GYPC: variants seen among roughly 807,000 people sequenced by gnomAD.
GYPC encodes the protein glycophorin-C.
GYPC carries 14 observed loss-of-function variants against 12.6 expected under a neutral mutation model. That is an observed-to-expected ratio of 1.11 (90% CI 0.74 to 1.74). The LOEUF (loss-of-function observed/expected upper bound fraction) is 1.74, where lower values mean the gene tolerates loss of function less well. GYPC is among the 40% of genes most tolerant of loss of function. The probability of loss-of-function intolerance (pLI) is 0.00; values close to 1 mark genes in which losing one functional copy is unlikely to be tolerated. For missense variants in GYPC, 225 were observed against 172.1 expected, an observed-to-expected ratio of 1.31 and a Z score of -1.72; for synonymous variants, 78 against 62.1, an observed-to-expected ratio of 1.26 and a Z score of -1.20.
At chr2:126,683,936 C>T (rs570616741) in intron 1 of GYPC, among the ~76,000 whole-genome samples, 2 of 152,164 alleles carry the variant, frequency 1.3e-5, no homozygotes, top group African/African-American at 2.4e-5. Context: ...TCTCCTCCCC[C>T]CTCACCTTTG....
chr2:126,683,391 TCTCCCCAGTG>T (rs943737146), intron 1 of GYPC, among the ~76,000 whole-genome samples: 41 of 152,290 alleles, frequency 2.7e-4, no homozygotes, highest in Admixed American at 7.2e-4. Context: ...GACAAAGTCC[TCTCCCCAGTG>T]GTGGACAAGG....
At position 126,656,158 on chromosome 2, in the gene GYPC, C is replaced by G. The variant is rs11542968; in HGVS notation, c.-106C>G. ...GAGGAGTGTGACCCAGGTGCCGCTTCCTCTCGCCGCCGAGGGTCAGGAGCC... is the reference window on the plus strand; with the variant it reads ...GAGGAGTGTGACCCAGGTGCCGCTTGCTCTCGCCGCCGAGGGTCAGGAGCC... On this transcript the variant is annotated 5_prime_UTR_variant, in exon 1 of 4. Coordinates refer to ENST00000259254, the MANE Select transcript of GYPC (RefSeq NM_002101.5). The G allele has an allele frequency of 4.9e-3, 7,407 of 1,496,594 alleles. 38 individuals are homozygous for G. The highest frequency in any genetic ancestry group is 5.4e-3 in the Non-Finnish European group (6,041 of 1,121,884). The allele number at this position is 1,496,594 out of a possible 1,614,324, so 92.7% of individuals were successfully genotyped here.
rs75133888 is a variant in GYPC at position 126,676,250 on chromosome 2, CCTT to C, written c.50-13999_50-13997del. On this transcript the variant is annotated intron_variant, in intron 1 of 3. Transcript: ENST00000259254. Reference sequence around the variant, plus strand: ...AAGAGTAGATTGTGTTTGTGCTTACCCTTCTTCTCCTAAAATTAAGTGTTAGCT... The same window carrying C: ...AAGAGTAGATTGTGTTTGTGCTTACCCTTCTCCTAAAATTAAGTGTTAGCT... Among the ~76,000 whole-genome samples, 9 of 152,298 alleles carry C rather than the reference CCTT, an allele frequency of 5.9e-5. No individual in the cohort carries two copies. The East Asian group carries it at 1.7e-3, about 29-fold the overall frequency.
At position 126,696,401 on chromosome 2, in the gene GYPC, A is replaced by C; in HGVS notation, c.*259A>C. The C allele has an allele frequency of 2.1e-6, 1 of 484,936 alleles. No individual in the cohort carries two copies. The highest frequency in any genetic ancestry group is 3.8e-6 in the Non-Finnish European group (1 of 264,542). The allele number at this position is 484,936 out of a possible 1,614,324, so 30.0% of individuals were successfully genotyped here. A position where few individuals can be genotyped will look rare whatever the true frequency, so the allele number is the denominator to read the frequency against. On this transcript the variant is annotated 3_prime_UTR_variant, in exon 4 of 4. Transcript: ENST00000259254. Reference sequence around the variant, plus strand: ...CCTTTTGCTCCACGGAGGTGGGAGAAAATCTGGGCACATGGGGCCCCCTGG... The same window carrying C: ...CCTTTTGCTCCACGGAGGTGGGAGACAATCTGGGCACATGGGGCCCCCTGG...
chr2:126,677,418 T>C (rs1558884814), intron 1 of GYPC, among the ~76,000 whole-genome samples: 1 of 150,308 alleles, frequency 6.7e-6, no homozygotes, highest in Admixed American at 6.6e-5. Flanking sequence ...TGTAAGTGTG[T>C]GAGAGAATGT....
At chr2:126,675,080 T>A (rs1169626748) in intron 1 of GYPC, among the ~76,000 whole-genome samples, 1 of 152,104 alleles carries the variant, frequency 6.6e-6, no homozygotes, top group Non-Finnish European at 1.5e-5. Flanking sequence ...CATAGCTGAG[T>A]GCCCAGGGTG....
At chr2:126,679,506 T>C (rs995840764) in intron 1 of GYPC, 5 of 152,184 alleles carry the variant, frequency 3.3e-5, no homozygotes, top group South Asian at 4.1e-4. Flanking sequence ...TGTCAGAGGA[T>C]ATTTTAAGCA....
intron 1 of GYPC, among the ~76,000 whole-genome samples, chr2:126,689,169 T>A (rs1440250219): frequency 6.6e-6 from 1 of 152,024 alleles, no homozygotes; most frequent in Admixed American, 6.6e-5. Flanking sequence ...TAAAGACCTA[T>A]GGGAGGGCTT....
At chr2:126,690,220 C>T (rs1459384895) in intron 1 of GYPC, 35 bp from the exon 2 acceptor site, 1 of 1,558,862 alleles carries the variant, frequency 6.4e-7, no homozygotes, top group Non-Finnish European at 8.9e-7. Flanking sequence ...GAGAGTCTTC[C>T]TCTCTGACCT....
At chr2:126,682,562 A>T (rs1274453637) in intron 1 of GYPC, among the ~76,000 whole-genome samples, 1 of 152,104 alleles carries the variant, frequency 6.6e-6, no homozygotes, top group African/African-American at 2.4e-5. Flanking sequence ...TTCTCCCCTC[A>T]GCTTCAGTTC....
chr2:126,667,611 C>G (rs942720280), intron 1 of GYPC, among the ~76,000 whole-genome samples: 2 of 152,024 alleles, frequency 1.3e-5, no homozygotes, highest in Non-Finnish European at 2.9e-5. Context: ...CCATGTTGGT[C>G]AGGCTGGTCT....
chr2:126,666,736 C>CAT (rs1277801266), intron 1 of GYPC, among the ~76,000 whole-genome samples: 1 of 150,444 alleles, frequency 6.6e-6, no homozygotes, highest in East Asian at 2.0e-4. Context: ...CACACACACA[C>CAT]ACACACACAC....
intron 2 of GYPC, among the ~76,000 whole-genome samples, chr2:126,693,193 G>A (rs1683527975): frequency 6.6e-6 from 1 of 152,252 alleles, no homozygotes; most frequent in African/African-American, 2.4e-5. Flanking sequence ...GAGGGAGGGA[G>A]TTCTAGCTGT....
intron 1 of GYPC, chr2:126,658,162 A>G (rs1682425159): frequency 6.6e-6 from 1 of 152,190 alleles, no homozygotes; most frequent in Non-Finnish European, 1.5e-5. Flanking sequence ...TTTATATAGA[A>G]TTCACCGCCT....
At chr2:126,691,109 G>C (rs926989092) in intron 2 of GYPC, among the ~76,000 whole-genome samples, 2 of 152,098 alleles carry the variant, frequency 1.3e-5, no homozygotes, top group African/African-American at 4.8e-5. Context: ...GCAGTAGGAA[G>C]TTTAGGAAAT....
chr2:126,677,331 G>A (rs1374193924), intron 1 of GYPC, among the ~76,000 whole-genome samples: 1 of 141,854 alleles, frequency 7.0e-6, no homozygotes, highest in Admixed American at 7.5e-5. Context: ...GTGTGTGATA[G>A]TGTGTAAGAA....
At chr2:126,693,430 A>C (rs1268577786) in intron 2 of GYPC, among the ~76,000 whole-genome samples, 1 of 152,060 alleles carries the variant, frequency 6.6e-6, no homozygotes, top group African/African-American at 2.4e-5. Flanking sequence ...CTTCTTTATA[A>C]ATTACCCAAG....
intron 1 of GYPC, among the ~76,000 whole-genome samples, chr2:126,679,210 C>T (rs1191450680): frequency 2.0e-5 from 3 of 152,098 alleles, no homozygotes; most frequent in Non-Finnish European, 4.4e-5. Context: ...TGCACAGGGG[C>T]CAAATGGTCT....
At chr2:126,660,406 C>T (rs1348275157) in intron 1 of GYPC, among the ~76,000 whole-genome samples, 1 of 152,218 alleles carries the variant, frequency 6.6e-6, no homozygotes, top group Non-Finnish European at 1.5e-5. Context: ...CTGCACCTCT[C>T]ACAACTGTTC....
Sources: gnomAD v4.1 joint callset for allele counts (sites outside exome capture counted in the v4.1 genomes callset) on GRCh38, gnomAD v4.1.1 for gene constraint, MANE v1.5 for transcripts, NCBI Gene and HGNC (gene_info 2026-07-23, HGNC 2026-07-21) for gene names.